PTH2R: variants seen among roughly 807,000 people sequenced by gnomAD.
The protein encoded by PTH2R is PTH2 receptor.
Under a neutral mutation model 60.3 loss-of-function variants are expected in PTH2R, and 59 were observed. That is an observed-to-expected ratio of 0.98 (90% confidence interval 0.79 to 1.22). PTH2R has a LOEUF of 1.22. Among genes scored for constraint, PTH2R ranks in the 50% most tolerant of loss-of-function variants. The probability of loss-of-function intolerance (pLI) is 0.00; values close to 1 mark genes in which losing one functional copy is unlikely to be tolerated. For missense variants in PTH2R, 749 were observed against 682.6 expected (o/e 1.10, Z -1.08); for synonymous variants, 256 against 243.8 (o/e 1.05, Z -0.47).
At position 208,437,794 on chromosome 2, in the gene PTH2R, A is replaced by G. The variant is rs368335663; in HGVS notation, c.324A>G (p.Thr108=). ...VAFRHCNPNG[T]WDFMHSLNKT... ...TCCGACACTGTAACCCCAATGGAAC[A>G]TGGGATTTTATGCACAGCTTAAATA... Residue 108 remains threonine, a synonymous_variant, in exon 4 of 13, where the codon ACA becomes ACG. Transcript: ENST00000272847. 5 of 1,613,786 alleles carry G rather than the reference A, an allele frequency of 3.1e-6. No homozygotes were observed. The highest frequency in any genetic ancestry group is 4.5e-5 in the East Asian group (2 of 44,878).
intron 1 of PTH2R, chr2:208,360,354 C>T (rs769082466): frequency 6.5e-6 from 2 of 307,384 alleles, no homozygotes; most frequent in Admixed American, 4.1e-5. Context: ...CCGAGCCCCT[C>T]GGGGCCCCTT....
chr2:208,409,218 G>A (rs529754788), intron 1 of PTH2R, among the ~76,000 whole-genome samples: 1 of 152,146 alleles, frequency 6.6e-6, no homozygotes, highest in Non-Finnish European at 1.5e-5. Flanking sequence ...AAATTCAAGT[G>A]ATTTACATTG....
chr2:208,474,035 C>T (rs1202481279), intron 9 of PTH2R, among the ~76,000 whole-genome samples: 1 of 152,102 alleles, frequency 6.6e-6, no homozygotes, highest in Admixed American at 6.6e-5. Context: ...GGAGGTGCAA[C>T]TCATAATAGT....
chr2:208,448,578 G>A (rs944863437), intron 7 of PTH2R, among the ~76,000 whole-genome samples: 31 of 150,402 alleles, frequency 2.1e-4, no homozygotes, highest in Middle Eastern at 3.4e-3. Flanking sequence ...AGCTTGCAGT[G>A]AGCCGGGATC....
chr2:208,379,209 G>A (rs1028877874), intron 1 of PTH2R, among the ~76,000 whole-genome samples: 2 of 152,238 alleles, frequency 1.3e-5, no homozygotes, highest in Non-Finnish European at 2.9e-5. Context: ...GCTGGTTTCT[G>A]GAAGTGTTCA....
intron 1 of PTH2R, among the ~76,000 whole-genome samples, chr2:208,365,925 GATAAATATAT>G (rs1327863356): frequency 1.9e-4 from 10 of 52,934 alleles, no homozygotes; most frequent in African/African-American, 6.9e-4. Context: ...TAATATAATA[GATAAATATAT>G]ATATATATAT....
intron 12 of PTH2R, among the ~76,000 whole-genome samples, chr2:208,490,938 C>G (rs915912919): frequency 2.0e-5 from 3 of 152,196 alleles, no homozygotes; most frequent in Admixed American, 2.0e-4. Flanking sequence ...TACAAACAGA[C>G]ACTTGGATGG....
intron 10 of PTH2R, among the ~76,000 whole-genome samples, chr2:208,483,331 G>T (rs942885067): frequency 6.6e-6 from 1 of 152,158 alleles, no homozygotes; most frequent in Non-Finnish European, 1.5e-5. Context: ...CCAAAGGATA[G>T]AATAATAAAA....
rs553175972 is a variant in PTH2R at position 208,409,820 on chromosome 2, A to G, written c.75+2702A>G. ...TCTATAGTCAGATTATCACATGGTA[A>G]TGAGGACCACTATATAAACATGTTC... On this transcript the variant is annotated intron_variant, in intron 1 of 12. Transcript: ENST00000272847. 6.6e-5 allele frequency among the ~76,000 whole-genome samples: 10 copies of G among 152,344 alleles called. No homozygotes were observed. In the East Asian group the frequency reaches 1.7e-3, roughly 26 times the overall value.
At chr2:208,400,537 G>A (rs754372847) in intron 1 of PTH2R, among the ~76,000 whole-genome samples, 19 of 152,186 alleles carry the variant, frequency 1.2e-4, no homozygotes, top group South Asian at 2.1e-4. Flanking sequence ...AGCAACATCC[G>A]GATCACTAAG....
intron 8 of PTH2R, among the ~76,000 whole-genome samples, chr2:208,459,257 G>C (rs1702582860): frequency 6.6e-6 from 1 of 151,996 alleles, no homozygotes; most frequent in Non-Finnish European, 1.5e-5. Context: ...TGGTTCCAAG[G>C]AGAAATCTAA....
chr2:208,410,586 T>C (rs1441941837), intron 1 of PTH2R, among the ~76,000 whole-genome samples: 3 of 152,194 alleles, frequency 2.0e-5, no homozygotes, highest in Non-Finnish European at 4.4e-5. Flanking sequence ...TGGGGTATTG[T>C]GTAGCAATAA....
At chr2:208,426,948 T>TTA (rs1701868980) in intron 1 of PTH2R, among the ~76,000 whole-genome samples, 1 of 152,218 alleles carries the variant, frequency 6.6e-6, no homozygotes, top group South Asian at 2.1e-4. Context: ...ACCAGATGTT[T>TTA]TAGAACAAAA....
At chr2:208,478,772 T>C (rs1703078511) in intron 9 of PTH2R, among the ~76,000 whole-genome samples, 1 of 152,188 alleles carries the variant, frequency 6.6e-6, no homozygotes, top group Non-Finnish European at 1.5e-5. Context: ...ACAGTGTGGA[T>C]CCAGGCCGCA....
intron 7 of PTH2R, among the ~76,000 whole-genome samples, chr2:208,447,287 T>C (rs1301968269): frequency 6.6e-6 from 1 of 151,956 alleles, no homozygotes; most frequent in Non-Finnish European, 1.5e-5. Context: ...ATGATGATTC[T>C]TAAAAATAAA....
At chr2:208,460,792 T>TA (rs1476426495) in intron 9 of PTH2R, among the ~76,000 whole-genome samples, 1 of 152,126 alleles carries the variant, frequency 6.6e-6, no homozygotes, top group Non-Finnish European at 1.5e-5. Flanking sequence ...ACAAGCATTT[T>TA]AAAAAAATAA....
intron 10 of PTH2R, among the ~76,000 whole-genome samples, chr2:208,483,345 G>A (rs1703200978): frequency 6.6e-6 from 1 of 152,180 alleles, no homozygotes; most frequent in Non-Finnish European, 1.5e-5. Flanking sequence ...AATAAAAAAT[G>A]TAAATAACTT....
chr2:208,488,864 G>C, intron 10 of PTH2R, 148 bp from the exon 11 acceptor site: 1 of 799,252 alleles, frequency 1.3e-6, no homozygotes, highest in South Asian at 1.9e-5. Context: ...GAGACAGATA[G>C]AGTGAAACCC....
At chr2:208,410,566 G>A (rs914025407) in intron 1 of PTH2R, among the ~76,000 whole-genome samples, 1 of 152,168 alleles carries the variant, frequency 6.6e-6, no homozygotes, top group Non-Finnish European at 1.5e-5. Flanking sequence ...GGCAATCTGG[G>A]TGTTTATAAT....
Sources: allele counts gnomAD v4.1 joint callset (sites outside exome capture counted in the v4.1 genomes callset), GRCh38; gene constraint gnomAD v4.1.1; transcripts MANE v1.5; gene names NCBI Gene and HGNC (gene_info 2026-07-23, HGNC 2026-07-21).